Variants in ZNF730 observed in about 807,000 individuals in gnomAD.
ZNF730 encodes the protein zinc finger protein 730.
Under a neutral mutation model 12.6 loss-of-function variants are expected in ZNF730, and 12 were observed. The ratio of observed to expected loss-of-function variants is 0.95; its 90% confidence interval spans 0.61 to 1.54. The LOEUF (loss-of-function observed/expected upper bound fraction) is 1.54. ZNF730 is among the 40% of genes most tolerant of loss of function. The pLI is 0.00. For missense variants in ZNF730, 643 were observed against 583.5 expected (o/e 1.10, Z -1.05); for synonymous variants, 194 against 195.8 (o/e 0.99, Z 0.08).
chr19:23,120,857 C>A (rs1298734450), intron 1 of ZNF730, among the ~76,000 whole-genome samples: 1 of 152,106 alleles, frequency 6.6e-6, no homozygotes, highest in African/African-American at 2.4e-5. Flanking sequence ...TCCCTCTTAC[C>A]ACTGTCTTAG....
intron 1 of ZNF730, among the ~76,000 whole-genome samples, chr19:23,119,569 A>G (rs982753659): frequency 6.6e-6 from 1 of 152,232 alleles, no homozygotes; most frequent in Non-Finnish European, 1.5e-5. Context: ...ACGCCATCTC[A>G]GCACTTTGGG....
intron 1 of ZNF730, among the ~76,000 whole-genome samples, chr19:23,091,120 G>C (rs1184403423): frequency 6.6e-6 from 1 of 152,222 alleles, no homozygotes; most frequent in Non-Finnish European, 1.5e-5. Context: ...ATGGCTGAAA[G>C]GGGCCAATGT....
intron 1 of ZNF730, among the ~76,000 whole-genome samples, chr19:23,090,062 A>G (rs1568302076): frequency 1.3e-5 from 2 of 152,156 alleles, no homozygotes; most frequent in Non-Finnish European, 2.9e-5. Flanking sequence ...CCTGGCCAAC[A>G]TGGTGAAACC....
At chr19:23,114,584 C>G (rs908677091), upstream of ZNF730, among the ~76,000 whole-genome samples, 1 of 151,858 alleles carries the variant, frequency 6.6e-6, no homozygotes, top group Non-Finnish European at 1.5e-5. Context: ...GATCTCCTGA[C>G]TTCATGATCC....
chr19:23,084,714 T>G (rs1220418486), intron 1 of ZNF730, among the ~76,000 whole-genome samples: 1 of 152,188 alleles, frequency 6.6e-6, no homozygotes, highest in Non-Finnish European at 1.5e-5. Context: ...CATGCAGTAT[T>G]TGGTTTTCTA....
At chr19:23,095,509 G>A in intron 1 of ZNF730, 1 of 398,572 alleles carries the variant, frequency 2.5e-6, no homozygotes, top group Non-Finnish European at 4.4e-6. Context: ...ACTGGGCTAA[G>A]CACCTAGCTC....
At chr19:23,093,447 G>T (rs1418729511) in intron 1 of ZNF730, among the ~76,000 whole-genome samples, 1 of 152,220 alleles carries the variant, frequency 6.6e-6, no homozygotes, top group East Asian at 1.9e-4. Flanking sequence ...TGCCGGAAGG[G>T]ACGGCATGCT....
intron 1 of ZNF730, among the ~76,000 whole-genome samples, chr19:23,122,229 C>T (rs1206246967): frequency 6.0e-5 from 9 of 150,540 alleles, no homozygotes; most frequent in Admixed American, 6.0e-4. Context: ...GCAACCTCCA[C>T]CTCCCAGTTC....
chr19:23,097,798 C>G (rs1242255951), intron 1 of ZNF730, among the ~76,000 whole-genome samples: 3 of 152,094 alleles, frequency 2.0e-5, no homozygotes, highest in East Asian at 1.9e-4. Flanking sequence ...TTGCTTGACT[C>G]AGCACATAGG....
In ZNF730 at chr19:23,077,100, C is replaced by T. The variant is rs184050390; in HGVS notation, c.-94+1713C>T. Among the ~76,000 whole-genome samples the T allele has an allele frequency of 3.2e-3, 486 of 152,164 alleles. 5 individuals carry two copies. The highest frequency in any genetic ancestry group is 0.011 in the African/African-American group (462 of 41,496). ...TAACACAGGAACAGAAAACTAAATA[C>T]CACATATTCTCACTTTAAAGTGAAA... is the stretch of plus-strand genomic sequence containing the variant. On this transcript the variant is annotated intron_variant, in intron 1 of 2. Transcript: ENST00000593635.
Position 23,146,302 on chromosome 19 carries a change from G to A in ZNF730, c.1258G>A (p.Gly420Arg). 1 of 1,613,354 alleles carries A rather than the reference G, an allele frequency of 6.2e-7. No homozygotes were observed. Among genetic ancestry groups the A allele is most frequent in the Non-Finnish European group, 8.5e-7 (1 of 1,179,646 alleles). ...TACTACACATAAGAGAATTCATACT[G>A]GAGAGAAACCCTACAAATGTGAAGA... ...HLTTHKRIHT[G>R]EKPYKCEECG... The change falls in exon 4 of 4, where the codon GGA (glycine) becomes AGA (arginine). Residue 420 changes from glycine to arginine, a missense_variant. Physicochemically the swap from Gly to Arg is moderately radical, Grantham distance 125 (BLOSUM62 -2). Coordinates refer to ENST00000597761, the MANE Select transcript of ZNF730 (RefSeq NM_001277403.2).
At chr19:23,136,873 A>G (rs1288148377) in intron 3 of ZNF730, among the ~76,000 whole-genome samples, 2 of 152,144 alleles carry the variant, frequency 1.3e-5, no homozygotes, top group African/African-American at 4.8e-5. Flanking sequence ...GACACCTTAG[A>G]TAACAAGGCA....
At chr19:23,142,412 G>A (rs371599624) in intron 3 of ZNF730, among the ~76,000 whole-genome samples, 8 of 147,824 alleles carry the variant, frequency 5.4e-5, no homozygotes, top group Middle Eastern at 3.2e-3. Flanking sequence ...GGCCAGGCGC[G>A]GTGGCTCACT....
chr19:23,095,346 CAT>C (rs1289836798), intron 1 of ZNF730: 11 of 398,532 alleles, frequency 2.8e-5, no homozygotes, highest in Non-Finnish European at 4.9e-5. Flanking sequence ...GCCATTGTGA[CAT>C]ATTGCTGGGT....
chr19:23,132,322 T>G (rs1970753958), intron 1 of ZNF730, among the ~76,000 whole-genome samples: 1 of 152,196 alleles, frequency 6.6e-6, no homozygotes, highest in Admixed American at 6.5e-5. Context: ...AATGGCTTTT[T>G]TTCAGCTAAA....
intron 3 of ZNF730, 76 bp downstream of exon 3, chr19:23,136,119 A>C (rs1264369247): frequency 9.8e-6 from 11 of 1,117,188 alleles, no homozygotes; most frequent in Non-Finnish European, 1.3e-5. Flanking sequence ...ACCAGTTTTT[A>C]AAATAATTTG....
At chr19:23,087,223 C>T (rs762131955) in intron 1 of ZNF730, among the ~76,000 whole-genome samples, 3 of 152,062 alleles carry the variant, frequency 2.0e-5, no homozygotes, top group Admixed American at 6.6e-5. Flanking sequence ...GCCTGGCCAA[C>T]ATGGTGAAAT....
At chr19:23,078,148 C>T (rs1287288655) in intron 1 of ZNF730, among the ~76,000 whole-genome samples, 1 of 152,114 alleles carries the variant, frequency 6.6e-6, no homozygotes, top group Admixed American at 6.5e-5. Flanking sequence ...GTCCCCCAGC[C>T]TGACATGGGT....
upstream of ZNF730, among the ~76,000 whole-genome samples, chr19:23,116,299 TTTTTCTTTTCTTTTC>T (rs565630328): frequency 3.3e-3 from 487 of 149,188 alleles, 5 homozygotes; most frequent in African/African-American, 9.3e-3. Flanking sequence ...GTTATTCTGC[TTTTTCTTTTCTTTTC>T]TTTTCTTTTC....
Sources: allele counts gnomAD v4.1 joint callset (sites outside exome capture counted in the v4.1 genomes callset), GRCh38; gene constraint gnomAD v4.1.1; transcripts MANE v1.5; gene names NCBI Gene and HGNC (gene_info 2026-07-23, HGNC 2026-07-21).